The following RBMS3 variants were observed in gnomAD, a reference collection of about 807,000 sequenced individuals.
RBMS3 encodes RNA-binding motif, single-stranded-interacting protein 3.
RBMS3 carries 27 observed loss-of-function variants against 66.8 expected under a neutral mutation model. That is an observed-to-expected ratio of 0.40 (90% confidence interval 0.30 to 0.56). RBMS3 has a LOEUF of 0.56. Among genes scored for constraint, RBMS3 ranks in the 20% least tolerant of loss-of-function variants. RBMS3 has a pLI of 0.40. For synonymous variants in RBMS3, 188 were observed against 183.0 expected (o/e 1.03, Z -0.22); for missense variants, 513 against 549.5 (o/e 0.93, Z 0.66).
chr3:29,356,584 T>C (rs1357541213), intron 1 of RBMS3, among the ~76,000 whole-genome samples: 2 of 152,192 alleles, frequency 1.3e-5, no homozygotes, highest in African/African-American at 2.4e-5. Context: ...TCTTGCCAAA[T>C]GTGCATATGA....
intron 10 of RBMS3, among the ~76,000 whole-genome samples, chr3:29,914,686 G>T (rs968366072): frequency 1.4e-4 from 21 of 151,826 alleles, no homozygotes; most frequent in African/African-American, 5.1e-4. Context: ...TTAATCAAAT[G>T]TATATGCACT....
At chr3:29,659,589 G>C (rs2050455288) in intron 4 of RBMS3, among the ~76,000 whole-genome samples, 1 of 152,118 alleles carries the variant, frequency 6.6e-6, no homozygotes, top group East Asian at 1.9e-4. Context: ...TACTATTACA[G>C]TATATGTATA....
At chr3:29,745,286 A>C (rs2054837779) in intron 5 of RBMS3, among the ~76,000 whole-genome samples, 2 of 152,116 alleles carry the variant, frequency 1.3e-5, no homozygotes, top group South Asian at 4.2e-4. Flanking sequence ...ACAATTTTGT[A>C]AGATCCACCC....
chr3:29,443,980 A>T (rs1187839430), intron 2 of RBMS3, among the ~76,000 whole-genome samples: 2 of 152,108 alleles, frequency 1.3e-5, no homozygotes, highest in African/African-American at 4.8e-5. Context: ...GATTGTGGAA[A>T]GTGCAACTTT....
Position 29,549,789 on chromosome 3 carries a change from GA to G in RBMS3, c.308-37315del, listed in dbSNP as rs111718809. 5.4e-3 allele frequency among the ~76,000 whole-genome samples: 812 copies of G among 149,954 alleles called. 6 individuals are homozygous for G. The highest frequency in any genetic ancestry group is 7.6e-3 in the Non-Finnish European group (510 of 67,500). On this transcript the variant is annotated intron_variant, in intron 3 of 14. Transcript: ENST00000383767. ...GCTGGCAGCTATGCTAGTGCACAGA[GA>G]AAAAAAAAATCTAATATATGGTTCT...
At chr3:29,367,767 T>G (rs967197524) in intron 1 of RBMS3, among the ~76,000 whole-genome samples, 2 of 152,184 alleles carry the variant, frequency 1.3e-5, no homozygotes, top group South Asian at 4.1e-4. Flanking sequence ...TATTCCCCTA[T>G]GCTTAATCAA....
chr3:29,525,407 C>T (rs891722041), intron 3 of RBMS3, among the ~76,000 whole-genome samples: 11 of 152,192 alleles, frequency 7.2e-5, no homozygotes, highest in African/African-American at 2.4e-4. Context: ...TAAACTTGGA[C>T]CTTTTGTCCA....
At chr3:29,456,726 A>G (rs1180128732) in intron 2 of RBMS3, among the ~76,000 whole-genome samples, 6 of 141,822 alleles carry the variant, frequency 4.2e-5, no homozygotes, top group Non-Finnish European at 9.6e-5. Context: ...TGGGAACTAA[A>G]AAAATTAAAC....
chr3:29,924,375 T>TTTCTTTA (rs2060874674), intron 10 of RBMS3, among the ~76,000 whole-genome samples: 1 of 152,076 alleles, frequency 6.6e-6, no homozygotes, highest in Non-Finnish European at 1.5e-5. Context: ...AGGGTTTTCT[T>TTTCTTTA]TTCTTTTTTC....
chr3:29,546,561 A>C (rs1052366811), intron 3 of RBMS3, among the ~76,000 whole-genome samples: 1 of 152,216 alleles, frequency 6.6e-6, no homozygotes, highest in Non-Finnish European at 1.5e-5. Flanking sequence ...ACCTTAAAAT[A>C]AACTTGAGAC....
chr3:29,959,831 A>G (rs1696302394), intron 12 of RBMS3, among the ~76,000 whole-genome samples: 1 of 152,116 alleles, frequency 6.6e-6, no homozygotes, highest in Admixed American at 6.5e-5. Context: ...AGAACTCACT[A>G]TCACAAGAAC....
intron 2 of RBMS3, among the ~76,000 whole-genome samples, chr3:29,441,460 T>A: frequency 6.6e-6 from 1 of 152,182 alleles, no homozygotes; most frequent in East Asian, 1.9e-4. Context: ...AAAACTTCCC[T>A]ATGAAGTGGG....
At chr3:29,370,288 A>T (rs62235716) in intron 1 of RBMS3, among the ~76,000 whole-genome samples, 20,288 of 152,208 alleles carry the variant, frequency 0.13, 1,601 homozygotes, top group Middle Eastern at 0.23. Flanking sequence ...TATAGTCATA[A>T]TATCTTGCAG....
At chr3:29,825,657 G>T (rs998685826) in intron 6 of RBMS3, among the ~76,000 whole-genome samples, 10 of 152,100 alleles carry the variant, frequency 6.6e-5, no homozygotes, top group Admixed American at 6.6e-4. Flanking sequence ...CCAGCCATGT[G>T]GAACTGTGAG....
intron 4 of RBMS3, among the ~76,000 whole-genome samples, chr3:29,591,666 T>C (rs17605724): frequency 0.085 from 12,884 of 152,280 alleles, 591 homozygotes; most frequent in African/African-American, 0.11. Flanking sequence ...AACACTAGAA[T>C]GGGTCTACAT....
chr3:29,590,232 G>A (rs2047680455), intron 4 of RBMS3, among the ~76,000 whole-genome samples: 1 of 151,984 alleles, frequency 6.6e-6, no homozygotes, highest in Non-Finnish European at 1.5e-5. Context: ...CTGGCTGTGT[G>A]ACCTTGGCTA....
At chr3:29,488,992 G>A (rs1413730007) in intron 3 of RBMS3, among the ~76,000 whole-genome samples, 2 of 152,268 alleles carry the variant, frequency 1.3e-5, no homozygotes, top group East Asian at 3.9e-4. Flanking sequence ...TATTAAGACA[G>A]GCTTTTGGTT....
intron 4 of RBMS3, among the ~76,000 whole-genome samples, chr3:29,658,134 A>G (rs1216065398): frequency 6.6e-6 from 1 of 152,228 alleles, no homozygotes; most frequent in East Asian, 1.9e-4. Flanking sequence ...TAAAGGGAAG[A>G]TAATAAAAAT....
intron 4 of RBMS3, among the ~76,000 whole-genome samples, chr3:29,637,855 CT>C (rs1239659383): frequency 1.3e-5 from 2 of 151,768 alleles, no homozygotes; most frequent in Non-Finnish European, 2.9e-5. Context: ...ATAAACTTGC[CT>C]GACAACACTC....
Sources: gnomAD v4.1 joint callset for allele counts (sites outside exome capture counted in the v4.1 genomes callset) on GRCh38, gnomAD v4.1.1 for gene constraint, MANE v1.5 for transcripts, NCBI Gene and HGNC (gene_info 2026-07-23, HGNC 2026-07-21) for gene names.